NLRP1: variants seen among roughly 807,000 people sequenced by gnomAD.
NLRP1 encodes NLR family pyrin domain containing 1.
A neutral mutation model predicts 136.7 loss-of-function variants in NLRP1; 94 were observed. That is an observed-to-expected ratio of 0.69 (90% CI 0.58 to 0.82). The LOEUF (loss-of-function observed/expected upper bound fraction) is 0.82. NLRP1 is among the 40% of genes least tolerant of loss of function. The pLI is 0.00. For missense variants in NLRP1, 1,575 were observed against 1,802.7 expected, an observed-to-expected ratio of 0.87 and a Z score of 2.29; for synonymous variants, 690 against 725.1, an observed-to-expected ratio of 0.95 and a Z score of 0.78.
intron 15 of NLRP1, among the ~76,000 whole-genome samples, chr17:5,508,985 A>G (rs1300975553): frequency 2.6e-5 from 4 of 152,250 alleles, no homozygotes; most frequent in Admixed American, 2.0e-4. Context: ...TTCAGGATTA[A>G]CAATACTCTG....
chr17:5,573,981 AG>A (rs1403855194), intron 3 of NLRP1, among the ~76,000 whole-genome samples: 1 of 152,242 alleles, frequency 6.6e-6, no homozygotes, highest in Non-Finnish European at 1.5e-5. Context: ...AGTTGAGAGA[AG>A]AAGGCTTCAG....
intron 12 of NLRP1, among the ~76,000 whole-genome samples, chr17:5,525,979 A>ATTTTT (rs10643993): frequency 6.8e-6 from 1 of 147,766 alleles, no homozygotes. Context: ...AAGCTACTAA[A>ATTTTT]TTTTTTTTTT....
At chr17:5,551,548 A>G (rs1326354615) in intron 5 of NLRP1, among the ~76,000 whole-genome samples, 1 of 152,216 alleles carries the variant, frequency 6.6e-6, no homozygotes, top group Non-Finnish European at 1.5e-5. Flanking sequence ...ATATCAAGGA[A>G]TGCGATTGCT....
In NLRP1 at chr17:5,584,007, G is replaced by T; in HGVS notation, c.-50C>A. On this transcript the variant is annotated 5_prime_UTR_variant, in exon 1 of 17. Transcript: ENST00000572272. ...TCTGGGGGATGTTCCCAGGTGGTGAGGGTATCAGGCAGGCAGAGAACAGTG... is the reference window on the plus strand; with the variant it reads ...TCTGGGGGATGTTCCCAGGTGGTGATGGTATCAGGCAGGCAGAGAACAGTG... 1 of 1,567,120 alleles carries T rather than the reference G, an allele frequency of 6.4e-7. No homozygotes were observed. The highest frequency in any genetic ancestry group is 1.2e-5 in the South Asian group (1 of 85,466).
At chr17:5,567,560 G>A (rs1380502032) in intron 3 of NLRP1, among the ~76,000 whole-genome samples, 1 of 151,894 alleles carries the variant, frequency 6.6e-6, no homozygotes, top group South Asian at 2.1e-4. Context: ...TTTTTGATTG[G>A]TTCATCATCT....
Position 5,558,652 on chromosome 17 carries a change from C to T in NLRP1, c.2044G>A (p.Gly682Arg), listed in dbSNP as rs779945177. ...RFLLGLLSDE[G>R]EREMENIFHC... is the part of the protein sequence containing the mutation. Reference sequence around the variant, plus strand: ...AAGATGTTCTCCATCTCTCTCTCCCCCTCATCACTTAACAGGCCCAATAGG... The same window carrying T: ...AAGATGTTCTCCATCTCTCTCTCCCTCTCATCACTTAACAGGCCCAATAGG... The change falls in exon 4 of 17, where the codon GGG (glycine) becomes AGG (arginine). Residue 682 changes from glycine (G) to arginine (R), a missense_variant. By Grantham distance (125) the Gly-to-Arg change is moderately radical. Transcript: ENST00000572272. 6.2e-7 allele frequency: 1 copy of T among 1,614,048 alleles called. No individual in the cohort carries two copies. Among genetic ancestry groups the T allele is most frequent in the South Asian group, 1.1e-5 (1 of 91,080 alleles).
chr17:5,573,679 C>T (rs1267045277), intron 3 of NLRP1, among the ~76,000 whole-genome samples: 1 of 152,222 alleles, frequency 6.6e-6, no homozygotes, highest in African/African-American at 2.4e-5. Context: ...GTTCTTCAGC[C>T]TCTGCTGCTG....
intron 3 of NLRP1, among the ~76,000 whole-genome samples, chr17:5,579,069 C>T (rs112537719): frequency 0.12 from 18,300 of 151,896 alleles, 1,304 homozygotes; most frequent in African/African-American, 0.2. Context: ...AATGAGAACA[C>T]CTGGACACAG....
In NLRP1 at chr17:5,537,836, A is replaced by G. The variant is rs111855781; in HGVS notation, c.2871-896T>C. Among the ~76,000 whole-genome samples, 4,279 of 152,270 alleles carry G rather than the reference A, an allele frequency of 0.028. 211 individuals carry two copies. Among genetic ancestry groups the G allele is most frequent in the African/African-American group, 0.098 (4,055 of 41,552 alleles). On this transcript the variant is annotated intron_variant, in intron 7 of 16. Transcript: ENST00000572272. The surrounding 1 kb of genome is among the most constrained non-coding windows in gnomAD (Gnocchi z 4.5). ...AAGTGTTGAGCTGGGGCCTGAAGCCATATCTGCCTGCCATGGCCAAGCTCT... is the reference window on the plus strand; with the variant it reads ...AAGTGTTGAGCTGGGGCCTGAAGCCGTATCTGCCTGCCATGGCCAAGCTCT...
At chr17:5,509,733 G>C (rs114348369), downstream of NLRP1, among the ~76,000 whole-genome samples, 674 of 152,266 alleles carry the variant, frequency 4.4e-3, 2 homozygotes, top group African/African-American at 0.015. Flanking sequence ...TCAAACTCCT[G>C]ACTTGAGGTG....
rs1406126376 is a variant in NLRP1, at chr17:5,583,922, G to A, written c.36C>T (p.Tyr12=). ...AGGAWGRLAC[Y]LEFLKKEELK... is the part of the protein sequence containing the mutation. ...GCTCCTCCTTCTTCAGGAACTCCAA[G>A]TAACAGGCCAGGCGGCCCCAGGCTC... is the stretch of plus-strand genomic sequence containing the variant. Residue 12 remains tyrosine, a synonymous_variant, in exon 1 of 17, where the codon TAC becomes TAT. Coordinates refer to ENST00000572272, the MANE Select transcript of NLRP1 (RefSeq NM_033004.4). The surrounding 1 kb of genome is among the most constrained non-coding windows in gnomAD (Gnocchi z 4.5). 2.5e-6 allele frequency: 4 copies of A among 1,609,214 alleles called. No individual in the cohort carries two copies. Among genetic ancestry groups the A allele is most frequent in the Non-Finnish European group, 3.4e-6 (4 of 1,177,588 alleles).
intron 8 of NLRP1, 21 bp downstream of exon 8, chr17:5,536,830 G>A: frequency 1.3e-6 from 2 of 1,573,540 alleles, no homozygotes; most frequent in Non-Finnish European, 1.7e-6. Context: ...CAGCCAGAGG[G>A]AGTTCTGGGT....
chr17:5,520,461 G>A (rs1384706669), intron 14 of NLRP1, among the ~76,000 whole-genome samples: 1 of 152,108 alleles, frequency 6.6e-6, no homozygotes, highest in Non-Finnish European at 1.5e-5. Flanking sequence ...TTCCTCAAAT[G>A]TATGCAACCA....
intron 3 of NLRP1, among the ~76,000 whole-genome samples, chr17:5,567,065 G>A (rs1399638513): frequency 2.6e-5 from 4 of 152,074 alleles, no homozygotes; most frequent in Non-Finnish European, 4.4e-5. Flanking sequence ...CTTTATAGGT[G>A]AAATGTGTTT....
In NLRP1 at chr17:5,583,393, G is replaced by T. The variant is rs1432708220; in HGVS notation, c.271+294C>A. On this transcript the variant is annotated intron_variant, in intron 1 of 16. Coordinates refer to ENST00000572272, the MANE Select transcript of NLRP1 (RefSeq NM_033004.4). The surrounding 1 kb of genome is among the most constrained non-coding windows in gnomAD (Gnocchi z 4.5). Reference sequence around the variant, plus strand: ...GCCCAGGGTGATAGTGCCAGGACTGGTGATAGTGCCTGACTCCCAAGTCCG... The same window carrying T: ...GCCCAGGGTGATAGTGCCAGGACTGTTGATAGTGCCTGACTCCCAAGTCCG... Among the ~76,000 whole-genome samples the T allele has an allele frequency of 6.6e-6, 1 of 152,200 alleles. No homozygotes were observed. The highest frequency in any genetic ancestry group is 1.5e-5 in the Non-Finnish European group (1 of 68,036).
Position 5,559,974 on chromosome 17 carries a change from G to T in NLRP1, c.722C>A (p.Pro241His). 1 of 1,612,866 alleles carries T rather than the reference G, an allele frequency of 6.2e-7. No homozygotes were observed. Among genetic ancestry groups the T allele is most frequent in the South Asian group, 1.1e-5 (1 of 90,890 alleles). Residue 241 changes from proline (P) to histidine (H), a missense_variant, in exon 4 of 17, where the codon CCC becomes CAC. Transcript: ENST00000572272. ...RPPWAAVVGT[P>H]PQAHTSLQPH... ...CTGTAGGCTGGTGTGCGCCTGTGGG[G>T]GCGTTCCTACCACCGCTGCCCATGG... is the stretch of plus-strand genomic sequence containing the variant.
intron 4 of NLRP1, among the ~76,000 whole-genome samples, chr17:5,557,063 T>C (rs1914175021): frequency 6.6e-6 from 1 of 152,206 alleles, no homozygotes; most frequent in African/African-American, 2.4e-5. Context: ...GAGTTCAGTA[T>C]CACGATCTCA....
intron 5 of NLRP1, among the ~76,000 whole-genome samples, chr17:5,549,334 A>G (rs1408040397): frequency 6.6e-6 from 1 of 150,832 alleles, no homozygotes; most frequent in Non-Finnish European, 1.5e-5. Context: ...GTTGGAGTGC[A>G]GTGGCACAAT....
intron 14 of NLRP1, among the ~76,000 whole-genome samples, chr17:5,520,645 C>T (rs540719987): frequency 2.6e-5 from 4 of 152,320 alleles, no homozygotes; most frequent in African/African-American, 7.2e-5. Context: ...CCAAACACTT[C>T]CCAGTGCCCC....
Sources: allele counts gnomAD v4.1 joint callset (sites outside exome capture counted in the v4.1 genomes callset), GRCh38; gene constraint gnomAD v4.1.1; non-coding constraint Gnocchi (gnomAD v3.1); transcripts MANE v1.5; gene names NCBI Gene and HGNC (gene_info 2026-07-23, HGNC 2026-07-21).